The following APBB2 variants were observed in gnomAD, a reference collection of about 807,000 sequenced individuals.
APBB2 encodes the protein amyloid beta precursor protein binding family B member 2.
In APBB2, 38 loss-of-function variants were observed where a neutral mutation model predicts 82.5. The observed-to-expected ratio is 0.46, with a 90% confidence interval of 0.36 to 0.60. APBB2 has a LOEUF of 0.60. Ranked by LOEUF, APBB2 falls within the 20% of genes least tolerant of loss-of-function variation. APBB2 has a pLI of 0.00. For missense variants in APBB2, 772 were observed against 972.3 expected, an observed-to-expected ratio of 0.79 and a Z score of 2.74; for synonymous variants, 341 against 368.2, an observed-to-expected ratio of 0.93 and a Z score of 0.85.
intron 12 of APBB2, among the ~76,000 whole-genome samples, chr4:40,832,000 A>G (rs551089372): frequency 3.9e-5 from 4 of 102,884 alleles, no homozygotes; most frequent in African/African-American, 1.4e-4. Context: ...ACATATTTAT[A>G]TATTTATTTA....
At chr4:40,839,607 A>T (rs1333071794) in intron 12 of APBB2, among the ~76,000 whole-genome samples, 1 of 152,174 alleles carries the variant, frequency 6.6e-6, no homozygotes, top group Non-Finnish European at 1.5e-5. Flanking sequence ...GAGGAAAAAG[A>T]AGTCAAACAA....
At chr4:40,830,199 A>AAC (rs748831202) in intron 13 of APBB2, among the ~76,000 whole-genome samples, 2,125 of 149,786 alleles carry the variant, frequency 0.014, 29 homozygotes, top group Middle Eastern at 0.059. Context: ...GACTTGGCTG[A>AAC]ACACACACAC....
In APBB2 at chr4:40,810,930, A is replaced by G. The variant is rs904635858; in HGVS notation, c.*5162T>C. The G allele has an allele frequency of 1.3e-5, 2 of 152,168 alleles. No individual in the cohort carries two copies. Among genetic ancestry groups the G allele is most frequent in the African/African-American group, 4.8e-5 (2 of 41,440 alleles). 9.4% of individuals were successfully genotyped at this position (152,168 alleles called of 1,614,324 possible). A position where few individuals can be genotyped will look rare whatever the true frequency, so the allele number is the denominator to read the frequency against. ...ATCCCTTATCCTTTTCGGGCCCTCC[A>G]CCATACCAGACTGAAAAGTATTCCA... On this transcript the variant is annotated 3_prime_UTR_variant, in exon 18 of 18. Coordinates refer to ENST00000508593, the MANE Select transcript of APBB2 (RefSeq NM_004307.2).
At chr4:41,158,085 C>T (rs571582110) in intron 1 of APBB2, among the ~76,000 whole-genome samples, 2 of 152,130 alleles carry the variant, frequency 1.3e-5, no homozygotes, top group African/African-American at 4.8e-5. Context: ...GTGGGATATT[C>T]GTGGGGACAA....
intron 5 of APBB2, among the ~76,000 whole-genome samples, chr4:41,028,310 G>C (rs1715314526): frequency 6.6e-6 from 1 of 152,200 alleles, no homozygotes; most frequent in Admixed American, 6.5e-5. Context: ...TTATTTCAGG[G>C]GGCACATGGC....
rs1553930075 is a variant in APBB2 at position 40,832,013 on chromosome 4, TACACACACACACACACACAC to T, written c.1530-1456_1530-1437del. On this transcript the variant is annotated intron_variant, in intron 12 of 17. Transcript: ENST00000508593. This position sits in a 1 kb window ranked among gnomAD's most constrained non-coding sequence, Gnocchi z 4.8. ...ACACATATTTATATATTTATTTATA[TACACACACACACACACACAC>T]ACACACACACACACACACATATACA... is the stretch of plus-strand genomic sequence containing the variant. Among the ~76,000 whole-genome samples the T allele has an allele frequency of 2.2e-5, 3 of 138,886 alleles. No homozygotes were observed. In the South Asian group the frequency reaches 7.1e-4, roughly 33 times the overall value. 91.1% of individuals were successfully genotyped at this position (138,886 alleles called of 152,430 possible). A position where few individuals can be genotyped will look rare whatever the true frequency, so the allele number is the denominator to read the frequency against.
intron 6 of APBB2, among the ~76,000 whole-genome samples, chr4:40,965,539 G>A (rs1011629356): frequency 2.0e-5 from 3 of 152,110 alleles, no homozygotes; most frequent in Non-Finnish European, 4.4e-5. Context: ...AAACGCACAT[G>A]AATTTGGAAA....
chr4:40,855,983 C>T lies in APBB2; in HGVS notation c.1530-25406G>A, dbSNP rs2465543. On this transcript the variant is annotated intron_variant, in intron 12 of 17. Coordinates refer to ENST00000508593, the MANE Select transcript of APBB2 (RefSeq NM_004307.2). ...CTTAATAATTCCTTTCTGAACTCAA[C>T]TAACTAAAAGGCAGCAGCAAGGATC... 5.9e-3 allele frequency among the ~76,000 whole-genome samples: 903 copies of T among 152,322 alleles called. 10 individuals carry two copies. The highest frequency in any genetic ancestry group is 0.021 in the African/African-American group (858 of 41,570).
At chr4:40,961,911 A>C (rs772678563) in intron 6 of APBB2, among the ~76,000 whole-genome samples, 7 of 152,174 alleles carry the variant, frequency 4.6e-5, no homozygotes, top group Non-Finnish European at 1.0e-4. Context: ...AACTTCAAGA[A>C]ATACCTGCAG....
At chr4:40,817,364 T>C (rs11732177) in intron 17 of APBB2, among the ~76,000 whole-genome samples, 49,571 of 151,894 alleles carry the variant, frequency 0.33, 8,289 homozygotes, top group Non-Finnish European at 0.36. Flanking sequence ...GCTGTGAGCA[T>C]GGCCACTGCA....
intron 6 of APBB2, among the ~76,000 whole-genome samples, chr4:40,952,863 T>A (rs1000065606): frequency 2.6e-5 from 4 of 152,202 alleles, no homozygotes; most frequent in African/African-American, 9.6e-5. Flanking sequence ...TCACGCGCCC[T>A]GTGTCCTTCG....
At chr4:41,081,161 T>C (rs1028485351) in intron 3 of APBB2, among the ~76,000 whole-genome samples, 1 of 152,248 alleles carries the variant, frequency 6.6e-6, no homozygotes, top group Non-Finnish European at 1.5e-5. Context: ...ACATGGTATT[T>C]TGAAGAGCTG....
intron 10 of APBB2, among the ~76,000 whole-genome samples, chr4:40,910,416 T>C (rs1778240602): frequency 6.6e-6 from 1 of 152,124 alleles, no homozygotes; most frequent in Non-Finnish European, 1.5e-5. Flanking sequence ...TTTTTTCTTT[T>C]TTTGTAGAGA....
At chr4:40,956,340 T>C (rs1009303265) in intron 6 of APBB2, among the ~76,000 whole-genome samples, 11 of 152,060 alleles carry the variant, frequency 7.2e-5, no homozygotes, top group Non-Finnish European at 1.3e-4. Flanking sequence ...TGAGGTGAAA[T>C]TGTCTTCAAC....
chr4:41,149,764 G>A (rs1422267285), intron 1 of APBB2, among the ~76,000 whole-genome samples: 1 of 152,078 alleles, frequency 6.6e-6, no homozygotes, highest in African/African-American at 2.4e-5. Context: ...GGCGGTAACT[G>A]AATCACTGAA....
chr4:41,046,053 A>G (rs1723311830), intron 4 of APBB2, among the ~76,000 whole-genome samples: 1 of 152,248 alleles, frequency 6.6e-6, no homozygotes, highest in South Asian at 2.1e-4. Context: ...GAAGCTGGGT[A>G]TATAGATACC....
At chr4:40,857,078 C>A (rs1761453068) in intron 12 of APBB2, 2 of 985,520 alleles carry the variant, frequency 2.0e-6, no homozygotes, top group Non-Finnish European at 2.4e-6. Context: ...CCAGGTGCTA[C>A]GACAAGCCCC....
intron 12 of APBB2, among the ~76,000 whole-genome samples, chr4:40,868,874 ATGGT>A (rs1187358351): frequency 6.6e-6 from 1 of 152,194 alleles, no homozygotes; most frequent in African/African-American, 2.4e-5. Flanking sequence ...TTTCACATCA[ATGGT>A]AGTGTGCCAA....
intron 1 of APBB2, among the ~76,000 whole-genome samples, chr4:41,182,326 T>C (rs891919295): frequency 1.3e-5 from 2 of 152,248 alleles, no homozygotes; most frequent in African/African-American, 4.8e-5. Flanking sequence ...TTCATTCTAC[T>C]GAATGATTAC....
Sources: gnomAD v4.1 joint callset for allele counts (sites outside exome capture counted in the v4.1 genomes callset) on GRCh38, gnomAD v4.1.1 for gene constraint, Gnocchi (gnomAD v3.1) non-coding constraint, MANE v1.5 for transcripts, NCBI Gene and HGNC (gene_info 2026-07-23, HGNC 2026-07-21) for gene names.